RASGRF1: variants seen among roughly 807,000 people sequenced by gnomAD.
RASGRF1 encodes the protein ras-specific guanine nucleotide-releasing factor 1.
In RASGRF1, 40 loss-of-function variants were observed where a neutral mutation model predicts 138.7. The observed-to-expected ratio is 0.29, with a 90% CI of 0.22 to 0.38. The LOEUF (loss-of-function observed/expected upper bound fraction) is 0.38, where lower values mean the gene tolerates loss of function less well. RASGRF1 is among the 10% of genes least tolerant of loss of function. RASGRF1 has a pLI of 1.00. For missense variants in RASGRF1, 1,108 were observed against 1,650.4 expected (o/e 0.67, Z 5.69); for synonymous variants, 614 against 663.2 (o/e 0.93, Z 1.14).
At chr15:79,024,423 A>T (rs2057015457) in intron 10 of RASGRF1, among the ~76,000 whole-genome samples, 1 of 151,156 alleles carries the variant, frequency 6.6e-6, no homozygotes, top group South Asian at 2.1e-4. Context: ...ATACACACAC[A>T]TGCATACACA....
chr15:78,996,686 A>G (rs568502324), intron 19 of RASGRF1, among the ~76,000 whole-genome samples: 131 of 150,984 alleles, frequency 8.7e-4, no homozygotes, highest in Non-Finnish European at 1.6e-3. Flanking sequence ...GGCTCCACAC[A>G]CTCCTAAGGC....
chr15:79,004,131 A>G lies in RASGRF1; in HGVS notation c.2120T>C (p.Leu707Pro). ...LFASGQNNKL[L>P]YGEPPKSPRA... is the part of the protein sequence containing the mutation. ...CGGGGACTTGGGGGGTTCACCGTAC[A>G]GGAGCTTATTGTTCTGGCCACTGGC... The change falls in exon 15 of 27, where the codon CTG (leucine) becomes CCG (proline). Residue 707 changes from leucine to proline, a missense_variant. Leu to Pro is a moderately conservative substitution (Grantham distance 98). Coordinates refer to ENST00000558480, the MANE Select transcript of RASGRF1 (RefSeq NM_001145648.3). 1 of 1,609,324 alleles carries G rather than the reference A, an allele frequency of 6.2e-7. No homozygotes were observed. Among genetic ancestry groups the G allele is most frequent in the Non-Finnish European group, 8.5e-7 (1 of 1,177,016 alleles).
In RASGRF1 at chr15:79,010,014, C is replaced by T. The variant is rs1422062461; in HGVS notation, c.1827-3580G>A. ...CTGGGATTACAGGAGTGAGCCACTG[C>T]ACCCAGCCTCTTTGTTTGTTTTTTT... On this transcript the variant is annotated intron_variant, in intron 13 of 26. Coordinates refer to ENST00000558480, the MANE Select transcript of RASGRF1 (RefSeq NM_001145648.3). Among the ~76,000 whole-genome samples, 3 of 151,298 alleles carry T rather than the reference C, an allele frequency of 2.0e-5. No homozygotes were observed. The East Asian group carries it at 5.8e-4, about 29-fold the overall frequency.
intron 3 of RASGRF1, among the ~76,000 whole-genome samples, chr15:79,053,129 G>A (rs1056971572): frequency 6.6e-5 from 10 of 152,086 alleles, no homozygotes; most frequent in Admixed American, 2.6e-4. Context: ...GCTGGGTGTG[G>A]TGGCGCACAC....
rs893778440 is a variant in RASGRF1, at chr15:79,032,713, C to T, written c.959-397G>A. Among the ~76,000 whole-genome samples the T allele has an allele frequency of 1.3e-5, 2 of 152,196 alleles. No individual in the cohort carries two copies. Among genetic ancestry groups the T allele is most frequent in the African/African-American group, 4.8e-5 (2 of 41,448 alleles). On this transcript the variant is annotated intron_variant, in intron 6 of 26. Coordinates refer to ENST00000558480, the MANE Select transcript of RASGRF1 (RefSeq NM_001145648.3). The surrounding 1 kb of genome is among the most constrained non-coding windows in gnomAD (Gnocchi z 4.5). ...ATTGCCCTCAGCTGGAGGAAGCTGC[C>T]TTGCCTGGTCTGTCCTCCTGCTTCA...
chr15:79,071,509 GC>G (rs1372092216), intron 1 of RASGRF1, among the ~76,000 whole-genome samples: 1 of 151,140 alleles, frequency 6.6e-6, no homozygotes, highest in Non-Finnish European at 1.5e-5. Context: ...ACAGGTGTGC[GC>G]CGCCATGCCC....
At chr15:79,044,601 G>A (rs2057335179) in intron 5 of RASGRF1, among the ~76,000 whole-genome samples, 2 of 152,136 alleles carry the variant, frequency 1.3e-5, no homozygotes, top group African/African-American at 4.8e-5. Context: ...CCAACCCTAT[G>A]GACTGCCTTG....
intron 15 of RASGRF1, among the ~76,000 whole-genome samples, chr15:79,003,204 G>C (rs2056579392): frequency 6.6e-6 from 1 of 152,214 alleles, no homozygotes; most frequent in Non-Finnish European, 1.5e-5. Flanking sequence ...TGTTCCCATG[G>C]TCTAGAATGT....
At position 79,006,060 on chromosome 15, in the gene RASGRF1, A is replaced by AC; in HGVS notation, c.2075+125dup. On this transcript the variant is annotated intron_variant, in intron 14 of 26. Coordinates refer to ENST00000558480, the MANE Select transcript of RASGRF1 (RefSeq NM_001145648.3). This position sits in a 1 kb window ranked among gnomAD's most constrained non-coding sequence, Gnocchi z 4.0. ...GCAGTGGCGGTGTGTGTCCCGCAGC[A>AC]CCCCAACACGTTACTGCTGCTCCTC... 1.5e-6 allele frequency: 2 copies of AC among 1,372,950 alleles called. No individual in the cohort carries two copies. Among genetic ancestry groups the AC allele is most frequent in the Non-Finnish European group, 2.0e-6 (2 of 1,003,734 alleles). The allele number at this position is 1,372,950 out of a possible 1,614,324, so 85.0% of individuals were successfully genotyped here.
chr15:79,060,993 G>A (rs554784098), intron 2 of RASGRF1, among the ~76,000 whole-genome samples: 12 of 152,202 alleles, frequency 7.9e-5, no homozygotes, highest in African/African-American at 2.4e-4. Flanking sequence ...CTTTAAAAGC[G>A]GGGAGTTTTC....
At chr15:79,054,574 T>C (rs1257212530) in intron 3 of RASGRF1, among the ~76,000 whole-genome samples, 2 of 152,214 alleles carry the variant, frequency 1.3e-5, no homozygotes, top group East Asian at 3.8e-4. Flanking sequence ...CAGTGTGCCA[T>C]GTGCCTTTCC....
At chr15:79,019,889 G>C in intron 11 of RASGRF1, 152 bp downstream of exon 11, 1 of 828,012 alleles carries the variant, frequency 1.2e-6, no homozygotes, top group South Asian at 1.7e-5. Flanking sequence ...ACTGAACAGG[G>C]TGTGTGCATG....
chr15:78,999,221 T>C (rs942571005), intron 17 of RASGRF1, among the ~76,000 whole-genome samples: 10 of 151,916 alleles, frequency 6.6e-5, no homozygotes, highest in Admixed American at 3.3e-4. Flanking sequence ...CCATGGGCAA[T>C]GGGCTTTATG....
chr15:78,995,211 G>A (rs12902783), intron 20 of RASGRF1, among the ~76,000 whole-genome samples: 89,649 of 151,588 alleles, frequency 0.59, 26,988 homozygotes, highest in East Asian at 0.84. Context: ...TTACAGGTGT[G>A]AGCCACCACG....
intron 10 of RASGRF1, among the ~76,000 whole-genome samples, chr15:79,024,040 AACACAC>A (rs372130368): frequency 6.8e-6 from 1 of 146,322 alleles, no homozygotes; most frequent in Non-Finnish European, 1.5e-5. Context: ...CACACATACA[AACACAC>A]ACACACACAT....
At chr15:79,078,624 C>A (rs1312611149) in intron 1 of RASGRF1, among the ~76,000 whole-genome samples, 1 of 152,164 alleles carries the variant, frequency 6.6e-6, no homozygotes, top group Non-Finnish European at 1.5e-5. Flanking sequence ...ACTCATACCC[C>A]CTACCTCTCC....
In RASGRF1 at chr15:79,027,591, C is replaced by T. The variant is rs1004913284; in HGVS notation, c.1381+150G>A. On this transcript the variant is annotated intron_variant, in intron 9 of 26. Transcript: ENST00000558480. The surrounding 1 kb of genome is among the most constrained non-coding windows in gnomAD (Gnocchi z 4.8). ...ACATCTACATATAGCTGTTGCATTC[C>T]GCCAGCAGCCTGGGAATATTCTGCA... is the stretch of plus-strand genomic sequence containing the variant. The T allele has an allele frequency of 2.4e-5, 16 of 659,814 alleles. No individual in the cohort carries two copies. The highest frequency in any genetic ancestry group is 1.4e-4 in the African/African-American group (8 of 55,298). The allele number at this position is 659,814 out of a possible 1,614,324, so 40.9% of individuals were successfully genotyped here. A position where few individuals can be genotyped will look rare whatever the true frequency, so the allele number is the denominator to read the frequency against.
rs142793876 is a variant in RASGRF1, at chr15:79,003,136, C to T, written c.2449+666G>A. 5.9e-5 allele frequency among the ~76,000 whole-genome samples: 9 copies of T among 152,394 alleles called. No individual in the cohort carries two copies. The South Asian group carries it at 6.2e-4, about 11-fold the overall frequency. ...CACTCAGCATTCCAGGTCTGCCTGGCGTCCAGCTGTCCCCGAAACACACAA... is the reference window on the plus strand; with the variant it reads ...CACTCAGCATTCCAGGTCTGCCTGGTGTCCAGCTGTCCCCGAAACACACAA... On this transcript the variant is annotated intron_variant, in intron 15 of 26. Coordinates refer to ENST00000558480, the MANE Select transcript of RASGRF1 (RefSeq NM_001145648.3).
chr15:78,980,867 G>A, intron 23 of RASGRF1, 168 bp from the exon 24 acceptor site: 1 of 476,964 alleles, frequency 2.1e-6, no homozygotes, highest in Admixed American at 3.4e-5. Flanking sequence ...AACTCCTCAG[G>A]AGTTGGGCAC....
Sources: gnomAD v4.1 joint callset for allele counts (sites outside exome capture counted in the v4.1 genomes callset) on GRCh38, gnomAD v4.1.1 for gene constraint, Gnocchi (gnomAD v3.1) non-coding constraint, MANE v1.5 for transcripts, NCBI Gene and HGNC (gene_info 2026-07-23, HGNC 2026-07-21) for gene names.